ZNF142: variants seen among roughly 807,000 people sequenced by gnomAD.
The protein encoded by ZNF142 is zinc finger protein 142 (clone pHZ-49).
A neutral mutation model predicts 132.1 loss-of-function variants in ZNF142; 96 were observed. That is an observed-to-expected ratio of 0.73 (90% CI 0.62 to 0.86). ZNF142 has a LOEUF of 0.86. ZNF142 is among the 40% of genes least tolerant of loss of function. The pLI is 0.00. For synonymous variants in ZNF142, 842 were observed against 890.1 expected (o/e 0.95, Z 0.96); for missense variants, 2,163 against 2,336.2 (o/e 0.93, Z 1.53).
chr2:218,653,659 G>C (rs934152000), intron 4 of ZNF142, among the ~76,000 whole-genome samples: 1 of 151,882 alleles, frequency 6.6e-6, no homozygotes, highest in Non-Finnish European at 1.5e-5. Context: ...ACCTTCACAC[G>C]CACAATTTGG....
chr2:218,634,151 T>TC lies in ZNF142; in HGVS notation c.*4187dup. 1 of 1,612,828 alleles carries TC rather than the reference T, an allele frequency of 6.2e-7. No individual in the cohort carries two copies. Among genetic ancestry groups the TC allele is most frequent in the Non-Finnish European group, 8.5e-7 (1 of 1,179,460 alleles). ...ATACTTGGCAGTTAAGCCGTGTGTA[T>TC]CCCAGCGGCCTGAGGACAGACTCTT... On this transcript the variant is annotated 3_prime_UTR_variant, in exon 11 of 11. Transcript: ENST00000411696. This position sits in a 1 kb window ranked among gnomAD's most constrained non-coding sequence, Gnocchi z 4.0.
At chr2:218,645,292 C>A (rs1697639753) in intron 8 of ZNF142, among the ~76,000 whole-genome samples, 1 of 152,150 alleles carries the variant, frequency 6.6e-6, no homozygotes. Flanking sequence ...ACAAAGTAAG[C>A]CAGGAGCAGA....
At chr2:218,639,698 C>T (rs1250029480) in intron 10 of ZNF142, among the ~76,000 whole-genome samples, 1 of 141,432 alleles carries the variant, frequency 7.1e-6, no homozygotes, top group Non-Finnish European at 1.5e-5. Context: ...CACCACTGCA[C>T]TCCAGCATGG....
Position 218,642,429 on chromosome 2 carries a change from A to G in ZNF142, c.4687T>C (p.Phe1563Leu). ...RLECGACQEA[F>L]PSRLALDEHR... The stretch of plus-strand genomic sequence containing the variant: ...TCATCCAGAGCCAGTCGGCTAGGGA[A>G]GGCCTCCTGGCAGGCCCCACACTCA... The change falls in exon 9 of 11, where the codon TTC becomes CTC. Residue 1563 changes from phenylalanine to leucine, a missense_variant. Physicochemically the swap from Phe to Leu is conservative, Grantham distance 22. Transcript: ENST00000411696. This position sits in a 1 kb window ranked among gnomAD's most constrained non-coding sequence, Gnocchi z 4.6. The G allele has an allele frequency of 6.2e-7, 1 of 1,613,100 alleles. No homozygotes were observed. Among genetic ancestry groups the G allele is most frequent in the Non-Finnish European group, 8.5e-7 (1 of 1,179,930 alleles).
At chr2:218,652,967 G>GT (rs1319096443) in intron 4 of ZNF142, among the ~76,000 whole-genome samples, 14 of 70,214 alleles carry the variant, frequency 2.0e-4, no homozygotes, top group African/African-American at 2.9e-4. Context: ...GCTCTTTATT[G>GT]TTTTTTTTGT....
intron 4 of ZNF142, among the ~76,000 whole-genome samples, chr2:218,654,455 C>T (rs1426789858): frequency 6.6e-6 from 1 of 151,766 alleles, no homozygotes; most frequent in Admixed American, 6.6e-5. Flanking sequence ...CAACCTCCGC[C>T]TCTCGGGTTC....
chr2:218,652,076 A>G lies in ZNF142; in HGVS notation c.505T>C (p.Cys169Arg). 2.2e-6 allele frequency: 1 copy of G among 459,016 alleles called. No individual in the cohort carries two copies. The highest frequency in any genetic ancestry group is 1.6e-5 in the South Asian group (1 of 64,360). 28.4% of individuals were successfully genotyped at this position (459,016 alleles called of 1,614,324 possible). Residue 169 changes from cysteine (C) to arginine (R), a missense_variant, in exon 5 of 11, where the codon TGT (cysteine) becomes CGT (arginine). Coordinates refer to ENST00000411696, the MANE Select transcript of ZNF142 (RefSeq NM_001379659.1). ...TGGGGTTGGGCAAACTCCTGTCTAC[A>G]CACAGGGCATGATAGGGGGCTAACT... ...PPVSPLSCPV[C>R]RQEFAQPQAL... is the part of the protein sequence containing the mutation.
At position 218,644,568 on chromosome 2, in the gene ZNF142, G is replaced by A. The variant is rs1369290598; in HGVS notation, c.2548C>T (p.Pro850Ser). The A allele has an allele frequency of 6.2e-7, 1 of 1,614,120 alleles. No homozygotes were observed. Among genetic ancestry groups the A allele is most frequent in the Admixed American group, 1.7e-5 (1 of 60,016 alleles). Residue 850 changes from proline to serine, a missense_variant, in exon 9 of 11, where the codon CCC becomes TCC. Transcript: ENST00000411696. The surrounding 1 kb of genome is among the most constrained non-coding windows in gnomAD (Gnocchi z 4.6). ...TCTGGCAGGGCCTGGTCCAAGCTGGGGTCCACCACAGTCCCAGGTTCGTGA... is the reference window on the plus strand; with the variant it reads ...TCTGGCAGGGCCTGGTCCAAGCTGGAGTCCACCACAGTCCCAGGTTCGTGA... Reference protein sequence around the residue: ...PGHEPGTVVDPSLDQALPEMS... With the variant: ...PGHEPGTVVDSSLDQALPEMS...
Position 218,634,335 on chromosome 2 carries a change from T to G in ZNF142, c.*4004A>C. ...TCAAGAAAATTGCTAGGCTGAGAAA[T>G]GCTATCAGTGGATATTACCAGCAGG... On this transcript the variant is annotated 3_prime_UTR_variant, in exon 11 of 11. Coordinates refer to ENST00000411696, the MANE Select transcript of ZNF142 (RefSeq NM_001379659.1). The surrounding 1 kb of genome is among the most constrained non-coding windows in gnomAD (Gnocchi z 4.0). 6.4e-7 allele frequency: 1 copy of G among 1,571,984 alleles called. No homozygotes were observed. Among genetic ancestry groups the G allele is most frequent in the African/African-American group, 1.3e-5 (1 of 74,252 alleles).
In ZNF142 at chr2:218,648,825, G is replaced by A. The variant is rs527352171; in HGVS notation, c.1683C>T (p.His561=). 1.2e-6 allele frequency: 2 copies of A among 1,614,204 alleles called. No homozygotes were observed. The highest frequency in any genetic ancestry group is 3.3e-5 in the Admixed American group (2 of 60,022). Residue 561 remains histidine, a synonymous_variant, in exon 7 of 11, where the codon CAC becomes CAT. Coordinates refer to ENST00000411696, the MANE Select transcript of ZNF142 (RefSeq NM_001379659.1). ...ACSNKHLFRK[H]KKQGHPGSEE... ...CACTGCCAGGGTGGCCCTGCTTCTT[G>A]TGTTTACGGAATAGGTGCTTATTGG...
In ZNF142 at chr2:218,636,425, C is replaced by T. The variant is rs1052553116; in HGVS notation, c.*1914G>A. On this transcript the variant is annotated 3_prime_UTR_variant, in exon 11 of 11. Coordinates refer to ENST00000411696, the MANE Select transcript of ZNF142 (RefSeq NM_001379659.1). ...AGCCCCTTTGGCCCCTGGCCAATACCCCAGCTCTGGCTGCCTTCCTAATGC... is the reference window on the plus strand; with the variant it reads ...AGCCCCTTTGGCCCCTGGCCAATACTCCAGCTCTGGCTGCCTTCCTAATGC... The T allele has an allele frequency of 7.4e-6, 12 of 1,613,854 alleles. No homozygotes were observed. The highest frequency in any genetic ancestry group is 1.0e-5 in the Non-Finnish European group (12 of 1,179,882).
At chr2:218,648,373 C>G (rs1261605738) in intron 7 of ZNF142, among the ~76,000 whole-genome samples, 2 of 152,230 alleles carry the variant, frequency 1.3e-5, no homozygotes, top group Non-Finnish European at 1.5e-5. Flanking sequence ...GTGGGCAGAA[C>G]TGGACAAGGG....
intron 7 of ZNF142, 37 bp downstream of exon 7, chr2:218,648,598 T>G: frequency 1.3e-6 from 2 of 1,585,534 alleles, no homozygotes; most frequent in Non-Finnish European, 1.7e-6. Flanking sequence ...CCACCATCAT[T>G]ATTACAACAT....
intron 4 of ZNF142, among the ~76,000 whole-genome samples, chr2:218,655,545 A>C (rs1373731906): frequency 1.3e-5 from 2 of 152,044 alleles, no homozygotes; most frequent in Admixed American, 6.5e-5. Flanking sequence ...GTGGCTATTC[A>C]CAGGTATGAT....
At position 218,640,645 on chromosome 2, in the gene ZNF142, C is replaced by T. The variant is rs779083319; in HGVS notation, c.5194+19G>A. 21 of 1,612,294 alleles carry T rather than the reference C, an allele frequency of 1.3e-5. No homozygotes were observed. The highest frequency in any genetic ancestry group is 3.3e-5 in the Admixed American group (2 of 59,948). On this transcript the variant is annotated intron_variant, in intron 10 of 10. Transcript: ENST00000411696. ...GAACAAAGGAACCCTTCAGGCCTGTCGAAACCACACAGACTCACCTGTATG... is the reference window on the plus strand; with the variant it reads ...GAACAAAGGAACCCTTCAGGCCTGTTGAAACCACACAGACTCACCTGTATG...
At position 218,637,649 on chromosome 2, in the gene ZNF142, T is replaced by A. The variant is rs1430332636; in HGVS notation, c.*690A>T. Among the ~76,000 whole-genome samples the A allele has an allele frequency of 6.6e-6, 1 of 152,178 alleles. No homozygotes were observed. Among genetic ancestry groups the A allele is most frequent in the Non-Finnish European group, 1.5e-5 (1 of 68,036 alleles). On this transcript the variant is annotated 3_prime_UTR_variant, in exon 11 of 11. Transcript: ENST00000411696. ...CTGAGGATTGATGATGAGCTAAAGT[T>A]GCTTCTAGGAGGAGGCTTAGTGGGT...
chr2:218,641,434 C>T (rs937777369), intron 9 of ZNF142, among the ~76,000 whole-genome samples: 3 of 151,026 alleles, frequency 2.0e-5, no homozygotes, highest in South Asian at 2.1e-4. Context: ...TTAGTAGAGA[C>T]GGGGTTTCAC....
rs965381120 is a variant in ZNF142, at chr2:218,637,576, C to T, written c.*763G>A. On this transcript the variant is annotated 3_prime_UTR_variant, in exon 11 of 11. Coordinates refer to ENST00000411696, the MANE Select transcript of ZNF142 (RefSeq NM_001379659.1). The stretch of plus-strand genomic sequence containing the variant: ...TTTTCCTCTCTAGTCATCTGCCTTT[C>T]CATAGTATCCTTGTGCTTTAACACC... 6.6e-6 allele frequency among the ~76,000 whole-genome samples: 1 copy of T among 152,318 alleles called. No individual in the cohort carries two copies. The highest frequency in any genetic ancestry group is 1.9e-4 in the East Asian group (1 of 5,184).
chr2:218,636,408 T>A lies in ZNF142; in HGVS notation c.*1931A>T. ...ATGCAACAAGGTGAGCCAGCCCCTT[T>A]GGCCCCTGGCCAATACCCCAGCTCT... On this transcript the variant is annotated 3_prime_UTR_variant, in exon 11 of 11. Coordinates refer to ENST00000411696, the MANE Select transcript of ZNF142 (RefSeq NM_001379659.1). 6 of 1,614,018 alleles carry A rather than the reference T, an allele frequency of 3.7e-6. No homozygotes were observed. Among genetic ancestry groups the A allele is most frequent in the Non-Finnish European group, 5.1e-6 (6 of 1,179,880 alleles).
Sources: gnomAD v4.1 joint callset for allele counts (sites outside exome capture counted in the v4.1 genomes callset) on GRCh38, gnomAD v4.1.1 for gene constraint, Gnocchi (gnomAD v3.1) non-coding constraint, MANE v1.5 for transcripts, NCBI Gene and HGNC (gene_info 2026-07-23, HGNC 2026-07-21) for gene names.